Variants in RALGAPA1 observed in about 807,000 individuals in gnomAD.
The protein encoded by RALGAPA1 is ral GTPase-activating protein subunit alpha-1.
RALGAPA1 carries 52 observed loss-of-function variants against 269.6 expected under a neutral mutation model. That is an observed-to-expected ratio of 0.19 (90% CI 0.15 to 0.24). The LOEUF (loss-of-function observed/expected upper bound fraction) is 0.24, where lower values mean the gene tolerates loss of function less well. Among genes scored for constraint, RALGAPA1 ranks in the 10% least tolerant of loss-of-function variants. RALGAPA1 has a pLI of 1.00. For missense variants in RALGAPA1, 1,917 were observed against 3,013.9 expected (o/e 0.64, Z 8.52); for synonymous variants, 817 against 1,008.3 (o/e 0.81, Z 3.60).
At chr14:35,592,758 A>G (rs932901582) in intron 37 of RALGAPA1, among the ~76,000 whole-genome samples, 4 of 152,218 alleles carry the variant, frequency 2.6e-5, no homozygotes, top group Admixed American at 2.6e-4. Flanking sequence ...AAACTATGTG[A>G]TCATCTCAAT....
rs143771856 is a variant in RALGAPA1, at chr14:35,741,181, T to C, written c.1449+1187A>G. ...GTTTATATTATCCATCATTCTTATT[T>C]AAGAATAGTAAATGATGTGGGGTAG... On this transcript the variant is annotated intron_variant, in intron 11 of 41. Transcript: ENST00000680220. 2.5e-3 allele frequency among the ~76,000 whole-genome samples: 374 copies of C among 152,302 alleles called. 7 individuals carry two copies. The highest frequency in any genetic ancestry group is 0.023 in the Admixed American group (345 of 15,294).
Position 35,700,215 on chromosome 14 carries a change from GA to G in RALGAPA1, c.2353del (p.Ser785ProfsTer49). 1 of 1,535,908 alleles carries G rather than the reference GA, an allele frequency of 6.5e-7. No homozygotes were observed. Among genetic ancestry groups the G allele is most frequent in the Non-Finnish European group, 8.7e-7 (1 of 1,146,788 alleles). On this transcript the variant is annotated frameshift_variant, in exon 17 of 42. Transcript: ENST00000680220. LOFTEE classifies it high-confidence loss of function. ...AKSAPVLIHT[S>X]KPFLPDIVLT... ...AACAATATCAGGCAAGAAGGGTTTG[GA>G]AGTATGGATCAGAACAGGAGCACTT...
chr14:35,804,570 A>AAAAT (rs71124718), intron 1 of RALGAPA1, among the ~76,000 whole-genome samples: 13,889 of 145,656 alleles, frequency 0.095, 758 homozygotes, highest in Non-Finnish European at 0.12. Context: ...CTCCATCTCA[A>AAAAT]AAATAAATAA....
chr14:35,647,251 T>C (rs925959897), intron 31 of RALGAPA1, among the ~76,000 whole-genome samples: 6 of 152,112 alleles, frequency 3.9e-5, no homozygotes, highest in Admixed American at 3.3e-4. Flanking sequence ...AATGTTCTTT[T>C]TGCTTTATTT....
At chr14:35,580,673 GA>G (rs1287300888) in intron 37 of RALGAPA1, among the ~76,000 whole-genome samples, 3 of 151,952 alleles carry the variant, frequency 2.0e-5, no homozygotes, top group African/African-American at 7.2e-5. Context: ...CTCATTCTGA[GA>G]AAATAAAATG....
intron 26 of RALGAPA1, among the ~76,000 whole-genome samples, chr14:35,670,689 C>G (rs2064333551): frequency 6.6e-6 from 1 of 152,210 alleles, no homozygotes; most frequent in African/African-American, 2.4e-5. Context: ...CTTTGGGAGG[C>G]TGAGGCGGGC....
At position 35,677,661 on chromosome 14, in the gene RALGAPA1, C is replaced by T. The variant is rs1252621266; in HGVS notation, c.4624+289G>A. 6.8e-5 allele frequency: 20 copies of T among 294,324 alleles called. No individual in the cohort carries two copies. In the Admixed American group the frequency reaches 1.1e-3, roughly 16 times the overall value. The allele number at this position is 294,324 out of a possible 1,614,324, so 18.2% of individuals were successfully genotyped here. A position where few individuals can be genotyped will look rare whatever the true frequency, so the allele number is the denominator to read the frequency against. On this transcript the variant is annotated intron_variant, in intron 22 of 41. Transcript: ENST00000680220. ...ATAAGGATGCCAAATTATGTATTTC[C>T]TGTTTTAGGAAACACTACCAATATC...
intron 37 of RALGAPA1, among the ~76,000 whole-genome samples, chr14:35,583,393 T>C (rs2058076616): frequency 2.0e-5 from 3 of 152,082 alleles, no homozygotes; most frequent in African/African-American, 7.2e-5. Context: ...GATATCTCAA[T>C]AGAAACCTCC....
intron 1 of RALGAPA1, among the ~76,000 whole-genome samples, chr14:35,778,669 T>C (rs2075224904): frequency 2.0e-5 from 3 of 152,204 alleles, no homozygotes; most frequent in African/African-American, 7.2e-5. Context: ...TCATACAATA[T>C]GGAAATTTTT....
chr14:35,579,790 T>G (rs891949604), intron 37 of RALGAPA1, among the ~76,000 whole-genome samples: 3 of 152,152 alleles, frequency 2.0e-5, no homozygotes, highest in African/African-American at 7.2e-5. Context: ...CAGAGTTTCT[T>G]CTATAAGATT....
intron 1 of RALGAPA1, among the ~76,000 whole-genome samples, chr14:35,781,654 C>T (rs2075441547): frequency 6.6e-6 from 1 of 151,912 alleles, no homozygotes; most frequent in Admixed American, 6.6e-5. Context: ...TGACATTCAT[C>T]CCAGAAGGCA....
At position 35,785,978 on chromosome 14, in the gene RALGAPA1, G is replaced by A. The variant is rs1174558203; in HGVS notation, c.107-10233C>T. On this transcript the variant is annotated intron_variant, in intron 1 of 41. Transcript: ENST00000680220. ...ATCACTTGTGCTTGCTCAAGAGTTCGAAACCATCTCTACAAAAAAATACAA... is the reference window on the plus strand; with the variant it reads ...ATCACTTGTGCTTGCTCAAGAGTTCAAAACCATCTCTACAAAAAAATACAA... 2.0e-5 allele frequency among the ~76,000 whole-genome samples: 3 copies of A among 151,882 alleles called. No homozygotes were observed. The East Asian group carries it at 5.8e-4, about 30-fold the overall frequency.
At chr14:35,570,880 T>C (rs1279756526) in intron 38 of RALGAPA1, 136 bp from the exon 39 acceptor site, 3 of 786,500 alleles carry the variant, frequency 3.8e-6, no homozygotes, top group Admixed American at 3.3e-5. Context: ...ACTATTTGAA[T>C]TCAATTCTTT....
chr14:35,782,520 G>A (rs1369967950), intron 1 of RALGAPA1, among the ~76,000 whole-genome samples: 2 of 151,734 alleles, frequency 1.3e-5, no homozygotes, highest in African/African-American at 2.4e-5. Flanking sequence ...TGCAACCTCC[G>A]CCTCTCAGGT....
At chr14:35,590,991 A>C (rs969974745) in intron 37 of RALGAPA1, among the ~76,000 whole-genome samples, 8 of 152,208 alleles carry the variant, frequency 5.3e-5, no homozygotes, top group Non-Finnish European at 1.2e-4. Flanking sequence ...GGAAGAGGTA[A>C]AGGAGAAATG....
At position 35,808,717 on chromosome 14, in the gene RALGAPA1, C is replaced by G. The variant is rs1341569398; in HGVS notation, c.106+13G>C. On this transcript the variant is annotated intron_variant, in intron 1 of 41. Coordinates refer to ENST00000680220, the MANE Select transcript of RALGAPA1 (RefSeq NM_001346249.2). ...CAACCCAGGCCTCGGCGCTGCCACCCCTCGCTCCTCACCGATGACGATGCG... is the reference window on the plus strand; with the variant it reads ...CAACCCAGGCCTCGGCGCTGCCACCGCTCGCTCCTCACCGATGACGATGCG... The G allele has an allele frequency of 2.5e-6, 4 of 1,607,932 alleles. No individual in the cohort carries two copies. Among genetic ancestry groups the G allele is most frequent in the Non-Finnish European group, 3.4e-6 (4 of 1,177,306 alleles).
intron 31 of RALGAPA1, among the ~76,000 whole-genome samples, chr14:35,643,432 TGGG>T (rs2062166061): frequency 6.6e-6 from 1 of 152,110 alleles, no homozygotes; most frequent in Admixed American, 6.6e-5. Flanking sequence ...ACACTGTTGG[TGGG>T]AATTTATGTT....
intron 4 of RALGAPA1, among the ~76,000 whole-genome samples, chr14:35,764,652 C>A (rs1311745935): frequency 6.6e-6 from 1 of 151,950 alleles, no homozygotes; most frequent in Non-Finnish European, 1.5e-5. Flanking sequence ...CTCAAGTAAT[C>A]CTCTCGCCTC....
At position 35,612,805 on chromosome 14, in the gene RALGAPA1, G is replaced by A. The variant is rs574995741; in HGVS notation, c.6930-7096C>T. On this transcript the variant is annotated intron_variant, in intron 35 of 41. Coordinates refer to ENST00000680220, the MANE Select transcript of RALGAPA1 (RefSeq NM_001346249.2). ...CGCCCTCCTTGGCCTCCTAAAGTGC[G>A]GGGATTACAGGTGTGAGCCACCGTG... Among the ~76,000 whole-genome samples, 139 of 151,938 alleles carry A rather than the reference G, an allele frequency of 9.1e-4. No homozygotes were observed. The Middle Eastern group carries it at 0.014, about 15-fold the overall frequency.
Sources: allele counts gnomAD v4.1 joint callset (sites outside exome capture counted in the v4.1 genomes callset), GRCh38; gene constraint gnomAD v4.1.1; transcripts MANE v1.5; gene names NCBI Gene and HGNC (gene_info 2026-07-23, HGNC 2026-07-21).